CCNY: variants seen among roughly 807,000 people sequenced by gnomAD.
CCNY encodes the protein cyclin-Y.
A neutral mutation model predicts 42.8 loss-of-function variants in CCNY; 19 were observed. The ratio of observed to expected loss-of-function variants is 0.44; its 90% confidence interval spans 0.31 to 0.65. The LOEUF (loss-of-function observed/expected upper bound fraction) is 0.65. Among genes scored for constraint, CCNY ranks in the 30% least tolerant of loss-of-function variants. The pLI is 0.07. For synonymous variants in CCNY, 165 were observed against 162.7 expected, an observed-to-expected ratio of 1.01 and a Z score of -0.11; for missense variants, 370 against 437.3, an observed-to-expected ratio of 0.85 and a Z score of 1.37.
intron 8 of CCNY, among the ~76,000 whole-genome samples, chr10:35,560,247 A>G (rs913433103): frequency 6.6e-6 from 1 of 152,154 alleles, no homozygotes; most frequent in African/African-American, 2.4e-5. Flanking sequence ...TAAGATGGAC[A>G]TGAATTCTGA....
intron 3 of CCNY, chr10:35,321,114 TAAA>T (rs57608664): frequency 1.9e-4 from 23 of 121,876 alleles, no homozygotes; most frequent in Admixed American, 4.3e-4. Flanking sequence ...AGGCTTTGTC[TAAA>T]AAAAAAAAAA....
In CCNY at chr10:35,337,168, T is replaced by G. The variant is rs201552307; in HGVS notation, c.115T>G (p.Cys39Gly). ...DTDLSREDTGCNLQHISDREN... is the reference protein window; with the variant it reads ...DTDLSREDTGGNLQHISDREN... ...GGACCTGAGCCGCGAGGACACGGGC[T>G]GCAACCTGCAGCACATCAGCGACCG... The change falls in exon 1 of 10, where the codon TGC becomes GGC. Residue 39 changes from cysteine to glycine, a missense_variant. By Grantham distance (159) the Cys-to-Gly change is radical. This residue lies in a region of CCNY where 136 missense variants were observed against 124.2 expected (regional missense o/e 1.09). Transcript: ENST00000374704. 6.4e-7 allele frequency: 1 copy of G among 1,574,300 alleles called. No homozygotes were observed. Among genetic ancestry groups the G allele is most frequent in the East Asian group, 2.4e-5 (1 of 41,188 alleles).
chr10:35,553,122 A>G lies in CCNY; in HGVS notation c.683A>G (p.Asp228Gly), dbSNP rs765044750. The G allele has an allele frequency of 1.2e-6, 2 of 1,614,088 alleles. No individual in the cohort carries two copies. The highest frequency in any genetic ancestry group is 2.7e-5 in the African/African-American group (2 of 74,926). The change falls in exon 8 of 10, where the codon GAT becomes GGT. Residue 228 changes from aspartate (D) to glycine (G), a missense_variant. By Grantham distance (94) the Asp-to-Gly change is moderately conservative (BLOSUM62 -1). This residue lies in a region of CCNY where 234 missense variants were observed against 313.1 expected (regional missense o/e 0.75). Coordinates refer to ENST00000374704, the MANE Select transcript of CCNY (RefSeq NM_145012.6). ...ATCCTGCTGGCCTCCAAGGTGTGGG[A>G]TGACCAGGCTGTATGGAATGTGGAT... ...GAILLASKVW[D>G]DQAVWNVDYC...
intron 3 of CCNY, among the ~76,000 whole-genome samples, chr10:35,504,937 A>C (rs1200804770): frequency 2.0e-5 from 3 of 152,198 alleles, no homozygotes; most frequent in Admixed American, 6.5e-5. Flanking sequence ...GCGTCCAGCT[A>C]GGAAAATTTA....
In CCNY at chr10:35,437,707, A is replaced by G. The variant is rs1200216982; in HGVS notation, c.155-45697A>G. Reference sequence around the variant, plus strand: ...CCACCACCACCTTTTCGATGAAGCTAGTATGAATAGAGTGAGAAAAGGTTT... The same window carrying G: ...CCACCACCACCTTTTCGATGAAGCTGGTATGAATAGAGTGAGAAAAGGTTT... On this transcript the variant is annotated intron_variant, in intron 1 of 9. Coordinates refer to ENST00000374704, the MANE Select transcript of CCNY (RefSeq NM_145012.6). Among the ~76,000 whole-genome samples the G allele has an allele frequency of 3.3e-5, 5 of 152,036 alleles. No homozygotes were observed. The South Asian group carries it at 6.2e-4, about 19-fold the overall frequency.
intron 7 of CCNY, among the ~76,000 whole-genome samples, chr10:35,545,482 C>T (rs918040003): frequency 7.9e-5 from 12 of 152,196 alleles, no homozygotes; most frequent in Admixed American, 2.6e-4. Flanking sequence ...GCTCACGCAG[C>T]GTTCTCCTGT....
rs116049972 is a variant in CCNY at position 35,301,104 on chromosome 10, G to A, written c.-9+50478G>A. 6.9e-3 allele frequency among the ~76,000 whole-genome samples: 1,046 copies of A among 152,130 alleles called. 11 individuals carry two copies. The highest frequency in any genetic ancestry group is 0.024 in the African/African-American group (998 of 41,506). On this transcript the variant is annotated intron_variant, in intron 3 of 11. Coordinates refer to the CCNY transcript ENST00000374706. Reference sequence around the variant, plus strand: ...ATTATAGGGGTGAGCCACTGTGCCCGACTATTATACCCATTTAAATAGGAG... The same window carrying A: ...ATTATAGGGGTGAGCCACTGTGCCCAACTATTATACCCATTTAAATAGGAG...
intron 1 of CCNY, among the ~76,000 whole-genome samples, chr10:35,357,783 T>C (rs1201436197): frequency 1.3e-5 from 2 of 152,374 alleles, no homozygotes; most frequent in East Asian, 1.9e-4. Context: ...TCACAAGTTT[T>C]AGTATCCATT....
At chr10:35,552,121 A>G (rs1170528616) in intron 7 of CCNY, among the ~76,000 whole-genome samples, 2 of 152,228 alleles carry the variant, frequency 1.3e-5, no homozygotes, top group African/African-American at 4.8e-5. Context: ...GAACAGCTCA[A>G]ATGTTCATTG....
At chr10:35,363,181 G>A (rs1479039806) in intron 1 of CCNY, among the ~76,000 whole-genome samples, 2 of 148,420 alleles carry the variant, frequency 1.3e-5, no homozygotes, top group Admixed American at 6.7e-5. Context: ...TCACTTCCCC[G>A]ACGGGGCGGC....
intron 3 of CCNY, among the ~76,000 whole-genome samples, chr10:35,283,544 C>A (rs1363138118): frequency 2.0e-5 from 3 of 152,108 alleles, no homozygotes; most frequent in Admixed American, 2.0e-4. Context: ...GGTGGGACCA[C>A]AGGCACGTGC....
chr10:35,557,982 G>A (rs1841393296), intron 8 of CCNY, among the ~76,000 whole-genome samples: 1 of 152,110 alleles, frequency 6.6e-6, no homozygotes, highest in Non-Finnish European at 1.5e-5. Flanking sequence ...GAAATTTTGA[G>A]GAGTTTTATT....
intron 2 of CCNY, among the ~76,000 whole-genome samples, chr10:35,490,154 T>C (rs772831763): frequency 7.9e-5 from 12 of 152,238 alleles, no homozygotes; most frequent in Non-Finnish European, 1.8e-4. Context: ...CCCCACCTGC[T>C]CTTTTCCTCT....
chr10:35,360,429 G>A (rs1202582316), intron 1 of CCNY, among the ~76,000 whole-genome samples: 9 of 151,846 alleles, frequency 5.9e-5, no homozygotes, highest in Non-Finnish European at 1.0e-4. Context: ...TGGGACCACA[G>A]GCATGCACCA....
chr10:35,307,525 A>G (rs1314696622), intron 3 of CCNY, among the ~76,000 whole-genome samples: 1 of 152,090 alleles, frequency 6.6e-6, no homozygotes, highest in Admixed American at 6.6e-5. Flanking sequence ...TGTTTGCCAT[A>G]TGACTCTGAT....
intron 2 of CCNY, among the ~76,000 whole-genome samples, chr10:35,489,293 T>TTTTTG (rs199737189): frequency 0.02 from 3,073 of 152,214 alleles, 79 homozygotes; most frequent in African/African-American, 0.06. Flanking sequence ...AAGCCTTTGT[T>TTTTTG]TTTTGTTTTG....
chr10:35,347,531 C>A (rs1055591895), intron 1 of CCNY: 2 of 582,702 alleles, frequency 3.4e-6, no homozygotes, highest in Non-Finnish European at 4.3e-6. Flanking sequence ...TAAGCAAGTT[C>A]TTTATTTTGG....
intron 3 of CCNY, among the ~76,000 whole-genome samples, chr10:35,504,263 C>A (rs1204151810): frequency 6.6e-6 from 1 of 152,208 alleles, no homozygotes; most frequent in African/African-American, 2.4e-5. Context: ...ATAACCTCCT[C>A]CAGGTGGAGA....
chr10:35,454,930 A>G (rs1473923158), intron 1 of CCNY, among the ~76,000 whole-genome samples: 1 of 152,232 alleles, frequency 6.6e-6, no homozygotes, highest in Non-Finnish European at 1.5e-5. Flanking sequence ...TTTTGCCTAG[A>G]GAGTTTTCAG....
Sources: allele counts gnomAD v4.1 joint callset (sites outside exome capture counted in the v4.1 genomes callset), GRCh38; gene constraint gnomAD v4.1.1; regional missense constraint gnomAD v4.1.1; transcripts MANE v1.5; gene names NCBI Gene and HGNC (gene_info 2026-07-23, HGNC 2026-07-21).